Variants in DSG2 observed in about 807,000 individuals in gnomAD.
DSG2 encodes desmoglein-2.
DSG2 carries 45 observed loss-of-function variants against 75.6 expected under a neutral mutation model. The observed-to-expected ratio is 0.60, with a 90% CI of 0.47 to 0.76. DSG2 has a LOEUF of 0.76. Among genes scored for constraint, DSG2 ranks in the 30% least tolerant of loss-of-function variants. The pLI is 0.00. For synonymous variants in DSG2, 429 were observed against 483.9 expected (o/e 0.89, Z 1.49); for missense variants, 1,267 against 1,357.4 (o/e 0.93, Z 1.05).
rs1229267620 is a variant in DSG2 at position 31,541,398 on chromosome 18, G to C, written c.2001+84G>C. ...GGAAGTGTTTCTTACATGTTTGGTT[G>C]AGTGAGTAAAGTGATCACTATGGAT... On this transcript the variant is annotated intron_variant, in intron 13 of 14. Transcript: ENST00000261590. 7 of 1,538,416 alleles carry C rather than the reference G, an allele frequency of 4.6e-6. No individual in the cohort carries two copies. In the Admixed American group the frequency reaches 1.3e-4, roughly 28 times the overall value.
chr18:31,536,697 C>T (rs2073233028), intron 11 of DSG2, among the ~76,000 whole-genome samples: 2 of 152,254 alleles, frequency 1.3e-5, no homozygotes, highest in East Asian at 3.9e-4. Flanking sequence ...GAGTACCAAG[C>T]CTTTGTCAGC....
At chr18:31,518,695 A>T (rs2073109056) in intron 2 of DSG2, among the ~76,000 whole-genome samples, 1 of 151,480 alleles carries the variant, frequency 6.6e-6, no homozygotes, top group African/African-American at 2.4e-5. Flanking sequence ...AAGTAATTTC[A>T]ATTTTTTGTC....
In DSG2 at chr18:31,531,253, G is replaced by T; in HGVS notation, c.1280+1G>T. 1 of 1,614,080 alleles carries T rather than the reference G, an allele frequency of 6.2e-7. No individual in the cohort carries two copies. The highest frequency in any genetic ancestry group is 1.1e-5 in the South Asian group (1 of 91,044). The stretch of plus-strand genomic sequence containing the variant: ...ACACTGGACTACCAGCCCATGCAAG[G>T]TAAGAGAGAGTGACACGTGTATTTC... On this transcript the variant is annotated splice_donor_variant, in intron 9 of 14. Transcript: ENST00000261590. LOFTEE classifies it high-confidence loss of function.
rs189396421 is a variant in DSG2 at position 31,516,879 on chromosome 18, G to T, written c.46-1360G>T. 1.9e-3 allele frequency among the ~76,000 whole-genome samples: 289 copies of T among 152,300 alleles called. 1 individual carries two copies. The highest frequency in any genetic ancestry group is 6.5e-3 in the African/African-American group (270 of 41,556). On this transcript the variant is annotated intron_variant, in intron 1 of 14. Coordinates refer to ENST00000261590, the MANE Select transcript of DSG2 (RefSeq NM_001943.5). Reference sequence around the variant, plus strand: ...CAGGCAGCAGTCTGCTAGCTGCTCCGGTAGAACTGTGTGCAGCGGTGGAAA... The same window carrying T: ...CAGGCAGCAGTCTGCTAGCTGCTCCTGTAGAACTGTGTGCAGCGGTGGAAA...
intron 3 of DSG2, 116 bp from the exon 4 acceptor site, chr18:31,520,687 C>T: frequency 1.8e-6 from 2 of 1,117,084 alleles, no homozygotes; most frequent in Admixed American, 2.3e-5. Flanking sequence ...GGAAATTGTC[C>T]ATAAAAATAT....
intron 5 of DSG2, 25 bp from the exon 6 acceptor site, chr18:31,522,058 T>C (rs2073131012): frequency 1.9e-6 from 3 of 1,608,922 alleles, no homozygotes; most frequent in Non-Finnish European, 1.7e-6. Context: ...AATTTCATCT[T>C]AGACATCTTT....
At chr18:31,504,567 AG>A (rs572811964) in intron 1 of DSG2, among the ~76,000 whole-genome samples, 21 of 152,130 alleles carry the variant, frequency 1.4e-4, no homozygotes, top group South Asian at 6.2e-4. Context: ...CAGACGGCAG[AG>A]GGGGGGACAC....
chr18:31,514,479 T>C (rs2144305417), intron 1 of DSG2, among the ~76,000 whole-genome samples: 1 of 152,318 alleles, frequency 6.6e-6, no homozygotes, highest in South Asian at 2.1e-4. Flanking sequence ...TTCGAGATAC[T>C]AGCAGTCAAG....
chr18:31,513,954 A>G (rs1351449955), intron 1 of DSG2, among the ~76,000 whole-genome samples: 1 of 152,204 alleles, frequency 6.6e-6, no homozygotes, highest in East Asian at 1.9e-4. Flanking sequence ...GACACTGTGC[A>G]GGATACTCAG....
At position 31,535,169 on chromosome 18, in the gene DSG2, A is replaced by G. The variant is rs2073221431; in HGVS notation, c.1281-101A>G. 19 of 854,270 alleles carry G rather than the reference A, an allele frequency of 2.2e-5. No individual in the cohort carries two copies. In the East Asian group the frequency reaches 3.5e-4, roughly 16 times the overall value. The allele number at this position is 854,270 out of a possible 1,614,324, so 52.9% of individuals were successfully genotyped here. A position where few individuals can be genotyped will look rare whatever the true frequency, so the allele number is the denominator to read the frequency against. ...CAAAACAAATGCCTGTAATAAGAAC[A>G]TATTTAAAGAGAAGAAAAGTAAGCT... On this transcript the variant is annotated intron_variant, in intron 9 of 14. Transcript: ENST00000261590.
At chr18:31,513,908 A>T (rs8088683) in intron 1 of DSG2, among the ~76,000 whole-genome samples, 6,305 of 152,268 alleles carry the variant, frequency 0.041, 471 homozygotes, top group African/African-American at 0.14. Flanking sequence ...TACTGATCTA[A>T]TCGTGAGAAA....
intron 8 of DSG2, among the ~76,000 whole-genome samples, chr18:31,529,898 A>T (rs2073184059): frequency 6.6e-6 from 1 of 152,208 alleles, no homozygotes; most frequent in Non-Finnish European, 1.5e-5. Flanking sequence ...AGCAGTATTA[A>T]TTACATTTAG....
At chr18:31,510,249 T>G (rs1323472653) in intron 1 of DSG2, among the ~76,000 whole-genome samples, 1 of 152,244 alleles carries the variant, frequency 6.6e-6, no homozygotes, top group Non-Finnish European at 1.5e-5. Context: ...TTAGAAGCCA[T>G]TATAGTGACT....
rs986087902 is a variant in DSG2, at chr18:31,548,724, C to T, written c.*1981C>T. 1 of 152,178 alleles carries T rather than the reference C, an allele frequency of 6.6e-6. No homozygotes were observed. The highest frequency in any genetic ancestry group is 6.5e-5 in the Admixed American group (1 of 15,280). 9.4% of individuals were successfully genotyped at this position (152,178 alleles called of 1,614,324 possible). On this transcript the variant is annotated 3_prime_UTR_variant, in exon 15 of 15. Coordinates refer to ENST00000261590, the MANE Select transcript of DSG2 (RefSeq NM_001943.5). ...TAACCTGCCTCTTTTAGCATAATCA[C>T]ATTTTCTAAATGATTTTCTTTGTTC... is the stretch of plus-strand genomic sequence containing the variant.
At position 31,542,502 on chromosome 18, in the gene DSG2, CTG is replaced by C; in HGVS notation, c.2002-14_2002-13del. On this transcript the variant is annotated splice_polypyrimidine_tract_variant and intron_variant, in intron 13 of 14. Transcript: ENST00000261590. ...TCCATCCTCCTGACTCAGTTCTCAG[CTG>C]TGTTTGCTCTCACAGGTGGTGCCAT... 6.2e-7 allele frequency: 1 copy of C among 1,613,010 alleles called. No individual in the cohort carries two copies. The highest frequency in any genetic ancestry group is 1.1e-5 in the South Asian group (1 of 91,034).
Position 31,538,968 on chromosome 18 carries a change from G to T in DSG2, c.1869G>T (p.Leu623=). ...AAIALMILAF[L]LLLLVPLLLL... Reference sequence around the variant, plus strand: ...TTGCGCTCATGATTTTGGCCTTTCTGCTCCTGCTATGTAAGTCTTTAAAAG... The same window carrying T: ...TTGCGCTCATGATTTTGGCCTTTCTTCTCCTGCTATGTAAGTCTTTAAAAG... Residue 623 remains leucine, a synonymous_variant, in exon 12 of 15, where the codon CTG becomes CTT. Transcript: ENST00000261590. 1.9e-6 allele frequency: 3 copies of T among 1,613,428 alleles called. No individual in the cohort carries two copies. Among genetic ancestry groups the T allele is most frequent in the Non-Finnish European group, 2.5e-6 (3 of 1,180,014 alleles).
In DSG2 at chr18:31,522,160, G is replaced by C. The variant is rs184100321; in HGVS notation, c.601G>C (p.Val201Leu). ...TLNSKISYRIVSLEPAYPPVF... is the reference protein window; with the variant it reads ...TLNSKISYRILSLEPAYPPVF... ...GAATTCGAAAATTTCCTATAGAATC[G>C]TATCTCTGGAGCCTGCTTATCCTCC... is the stretch of plus-strand genomic sequence containing the variant. Residue 201 changes from valine (V) to leucine (L), a missense_variant, in exon 6 of 15, where the codon GTA (valine) becomes CTA (leucine). Val to Leu is a conservative substitution (Grantham distance 32). Transcript: ENST00000261590. 3 of 1,613,590 alleles carry C rather than the reference G, an allele frequency of 1.9e-6. No individual in the cohort carries two copies. The highest frequency in any genetic ancestry group is 1.7e-6 in the Non-Finnish European group (2 of 1,179,696).
Position 31,538,890 on chromosome 18 carries a change from C to A in DSG2, c.1791C>A (p.Ser597Arg). 6.2e-7 allele frequency: 1 copy of A among 1,614,104 alleles called. No homozygotes were observed. The highest frequency in any genetic ancestry group is 1.3e-5 in the African/African-American group (1 of 75,024). ...TLTVCECLHG[S>R]GCREAQHDSY... is the part of the protein sequence containing the mutation. ...CAGTTTGTGAGTGTCTGCATGGCAGCGGCTGCAGGGAAGCACAGCATGACT... is the reference window on the plus strand; with the variant it reads ...CAGTTTGTGAGTGTCTGCATGGCAGAGGCTGCAGGGAAGCACAGCATGACT... Residue 597 changes from serine to arginine, a missense_variant, in exon 12 of 15, where the codon AGC becomes AGA. Physicochemically the swap from Ser to Arg is moderately radical, Grantham distance 110. Coordinates refer to ENST00000261590, the MANE Select transcript of DSG2 (RefSeq NM_001943.5).
intron 8 of DSG2, among the ~76,000 whole-genome samples, chr18:31,525,431 A>T (rs934173998): frequency 1.3e-5 from 2 of 151,990 alleles, no homozygotes; most frequent in African/African-American, 4.8e-5. Flanking sequence ...AGGTGAGAGG[A>T]TAGCTTGAAC....
Sources: gnomAD v4.1 joint callset for allele counts (sites outside exome capture counted in the v4.1 genomes callset) on GRCh38, gnomAD v4.1.1 for gene constraint, MANE v1.5 for transcripts, NCBI Gene and HGNC (gene_info 2026-07-23, HGNC 2026-07-21) for gene names.